AHI1: variants seen among roughly 807,000 people sequenced by gnomAD.
The protein encoded by AHI1 is jouberin.
Under a neutral mutation model 149.3 loss-of-function variants are expected in AHI1, and 123 were observed. That is an observed-to-expected ratio of 0.82 (90% confidence interval 0.71 to 0.96). The LOEUF is 0.96. Among genes scored for constraint, AHI1 ranks in the 40% least tolerant of loss-of-function variants. The pLI is 0.00. For missense variants in AHI1, 1,439 were observed against 1,422.7 expected (o/e 1.01, Z -0.18); for synonymous variants, 475 against 459.8 (o/e 1.03, Z -0.42).
At chr6:135,470,211 T>A (rs912057887) in intron 5 of AHI1, among the ~76,000 whole-genome samples, 1 of 151,890 alleles carries the variant, frequency 6.6e-6, no homozygotes, top group African/African-American at 2.4e-5. Flanking sequence ...ACAAACATGA[T>A]AAAAAGGTCA....
At chr6:135,415,138 T>G (rs112357869) in intron 20 of AHI1, among the ~76,000 whole-genome samples, 1,775 of 152,128 alleles carry the variant, frequency 0.012, 39 homozygotes, top group African/African-American at 0.041. Flanking sequence ...ACAAAGAACA[T>G]GAACTCATCA....
At chr6:135,424,805 A>T (rs1336668766) in intron 20 of AHI1, among the ~76,000 whole-genome samples, 1 of 151,948 alleles carries the variant, frequency 6.6e-6, no homozygotes, top group Non-Finnish European at 1.5e-5. Context: ...TTTCCTGGAA[A>T]ATTATCTGAT....
At chr6:135,447,301 G>C (rs943202273) in intron 12 of AHI1, 141 bp from the exon 13 acceptor site, 1 of 594,982 alleles carries the variant, frequency 1.7e-6, no homozygotes, top group African/African-American at 1.9e-5. Flanking sequence ...ACTTTTATTT[G>C]TACATTATTC....
intron 20 of AHI1, among the ~76,000 whole-genome samples, chr6:135,421,463 T>C (rs185003224): frequency 6.6e-6 from 1 of 152,310 alleles, no homozygotes; most frequent in Non-Finnish European, 1.5e-5. Context: ...AAAATATTGA[T>C]ATAAAATAGA....
rs1167083326 is a variant in AHI1 at position 135,376,881 on chromosome 6, C to CAAAAAA, written c.3109+17889_3109+17894dup. Among the ~76,000 whole-genome samples the CAAAAAA allele has an allele frequency of 1.1e-3, 33 of 29,440 alleles. 7 individuals are homozygous for CAAAAAA. The highest frequency in any genetic ancestry group is 4.2e-3 in the African/African-American group (26 of 6,242). The allele number at this position is 29,440 out of a possible 152,430, so 19.3% of individuals were successfully genotyped here. ...TCGGTGACAGAGCGAGACTCCATCT[C>CAAAAAA]AAAAAAAAAAAAAAAAAAAAAAAAA... On this transcript the variant is annotated intron_variant, in intron 23 of 28. Transcript: ENST00000265602.
intron 22 of AHI1, 60 bp from the exon 23 acceptor site, chr6:135,394,956 A>ATTAG: frequency 6.6e-7 from 1 of 1,524,888 alleles, no homozygotes; most frequent in Non-Finnish European, 8.9e-7. Context: ...TAATGCAAAA[A>ATTAG]CTGGATGAGA....
chr6:135,441,263 C>A (rs1013838672), intron 14 of AHI1, among the ~76,000 whole-genome samples: 14 of 151,690 alleles, frequency 9.2e-5, no homozygotes, highest in South Asian at 2.1e-4. Context: ...GACAACAGGT[C>A]AACTGAGATT....
chr6:135,489,892 T>C lies in AHI1; in HGVS notation c.135+731A>G, dbSNP rs1795004661. ...GGATTATAACTCATTATAAAACTCC[T>C]GCCAAAAAAAAAAAAAAAACTATGT... On this transcript the variant is annotated intron_variant, in intron 5 of 28. Coordinates refer to ENST00000265602, the MANE Select transcript of AHI1 (RefSeq NM_001134831.2). The C allele has an allele frequency of 1.1e-5, 3 of 270,644 alleles. No individual in the cohort carries two copies. The East Asian group carries it at 1.9e-4, about 17-fold the overall frequency. 16.8% of individuals were successfully genotyped at this position (270,644 alleles called of 1,614,324 possible). A position where few individuals can be genotyped will look rare whatever the true frequency, so the allele number is the denominator to read the frequency against.
chr6:135,450,146 T>C (rs1230212658), intron 11 of AHI1, among the ~76,000 whole-genome samples: 6 of 152,140 alleles, frequency 3.9e-5, no homozygotes, highest in Non-Finnish European at 8.8e-5. Flanking sequence ...AGGAGGTAGG[T>C]AGAAGACCAT....
At chr6:135,312,148 T>C (rs1018760531) in intron 26 of AHI1, among the ~76,000 whole-genome samples, 5 of 152,226 alleles carry the variant, frequency 3.3e-5, no homozygotes, top group African/African-American at 1.2e-4. Context: ...TTGTTTCCTT[T>C]TTTCATTAAA....
At chr6:135,389,784 A>G (rs1267240270) in intron 23 of AHI1, among the ~76,000 whole-genome samples, 4 of 152,256 alleles carry the variant, frequency 2.6e-5, no homozygotes, top group African/African-American at 9.6e-5. Flanking sequence ...GCTGTCCTTC[A>G]AATATAAACA....
At chr6:135,388,330 T>C (rs1056669453) in intron 23 of AHI1, among the ~76,000 whole-genome samples, 5 of 152,234 alleles carry the variant, frequency 3.3e-5, no homozygotes, top group Non-Finnish European at 5.9e-5. Context: ...GAGAAAGTCT[T>C]TGAAGCTCAT....
At chr6:135,337,064 T>C (rs1387964753) in intron 24 of AHI1, among the ~76,000 whole-genome samples, 2 of 152,198 alleles carry the variant, frequency 1.3e-5, no homozygotes, top group African/African-American at 2.4e-5. Flanking sequence ...TCTATGCTCT[T>C]CTTAATCACT....
At chr6:135,314,520 G>A (rs984208318) in intron 26 of AHI1, among the ~76,000 whole-genome samples, 2 of 152,166 alleles carry the variant, frequency 1.3e-5, no homozygotes, top group Non-Finnish European at 1.5e-5. Flanking sequence ...CAAACAATGG[G>A]TAATATTACA....
intron 23 of AHI1, among the ~76,000 whole-genome samples, chr6:135,379,893 A>G (rs1776447772): frequency 6.8e-6 from 1 of 146,608 alleles, no homozygotes; most frequent in South Asian, 2.2e-4. Flanking sequence ...CTTTTTTCCA[A>G]GCTCCCTTCC....
chr6:135,496,828 AAAT>A (rs1466991501), intron 2 of AHI1, among the ~76,000 whole-genome samples: 2 of 152,218 alleles, frequency 1.3e-5, no homozygotes, highest in African/African-American at 4.8e-5. Context: ...CTAACTTCAT[AAAT>A]ATTATTCCTC....
At chr6:135,300,741 G>A in intron 26 of AHI1, 183 bp from the exon 27 acceptor site, 8 of 1,149,670 alleles carry the variant, frequency 7.0e-6, no homozygotes, top group South Asian at 7.2e-5. Flanking sequence ...TTGCTCCCAT[G>A]AAAAACCAAG....
intron 26 of AHI1, among the ~76,000 whole-genome samples, chr6:135,312,592 C>T (rs931832578): frequency 1.3e-5 from 2 of 152,120 alleles, no homozygotes. Context: ...AACCAAAAAA[C>T]AACCAGGGAT....
intron 24 of AHI1, among the ~76,000 whole-genome samples, chr6:135,338,520 G>C (rs1789775749): frequency 6.6e-6 from 1 of 152,066 alleles, no homozygotes; most frequent in South Asian, 2.1e-4. Context: ...ATGAGTAAAG[G>C]GGAATCACTT....
Sources: allele counts gnomAD v4.1 joint callset (sites outside exome capture counted in the v4.1 genomes callset), GRCh38; gene constraint gnomAD v4.1.1; transcripts MANE v1.5; gene names NCBI Gene and HGNC (gene_info 2026-07-23, HGNC 2026-07-21).